The following SGCG variants were observed in gnomAD, a reference collection of about 807,000 sequenced individuals.
SGCG encodes sarcoglycan gamma.
SGCG carries 26 observed loss-of-function variants against 29.3 expected under a neutral mutation model. The observed-to-expected ratio is 0.89, with a 90% CI of 0.65 to 1.23. SGCG has a LOEUF of 1.23. Among genes scored for constraint, SGCG ranks in the 50% most tolerant of loss-of-function variants. SGCG has a pLI of 0.00. For missense variants in SGCG, 353 were observed against 356.0 expected, an observed-to-expected ratio of 0.99 and a Z score of 0.07; for synonymous variants, 145 against 129.7, an observed-to-expected ratio of 1.12 and a Z score of -0.80.
chr13:23,309,686 T>G (rs533908372), intron 6 of SGCG, among the ~76,000 whole-genome samples: 15 of 152,206 alleles, frequency 9.9e-5, no homozygotes, highest in Non-Finnish European at 2.1e-4. Context: ...AAAGTTCCAT[T>G]TTGGTCTAAG....
At chr13:23,288,194 G>C (rs918847158) in intron 5 of SGCG, among the ~76,000 whole-genome samples, 2 of 152,192 alleles carry the variant, frequency 1.3e-5, no homozygotes, top group Non-Finnish European at 2.9e-5. Flanking sequence ...GTCAGCAAAC[G>C]CAACAGTAGT....
intron 3 of SGCG, among the ~76,000 whole-genome samples, chr13:23,238,758 A>C (rs1158178394): frequency 6.6e-6 from 1 of 152,256 alleles, no homozygotes; most frequent in Non-Finnish European, 1.5e-5. Context: ...GAAAGACAGA[A>C]AAAACACAAA....
At chr13:23,184,388 GA>G (rs1876884407) in intron 1 of SGCG, among the ~76,000 whole-genome samples, 3 of 150,396 alleles carry the variant, frequency 2.0e-5, no homozygotes, top group Non-Finnish European at 3.0e-5. Context: ...TTTTTTTCTA[GA>G]GGGGGCAGTG....
At chr13:23,259,052 G>C (rs531266981) in intron 4 of SGCG, among the ~76,000 whole-genome samples, 1 of 152,238 alleles carries the variant, frequency 6.6e-6, no homozygotes, top group South Asian at 2.1e-4. Flanking sequence ...GATGATGTTG[G>C]CCTCATAAAA....
At chr13:23,282,313 G>A (rs1442791038) in intron 5 of SGCG, among the ~76,000 whole-genome samples, 2 of 152,078 alleles carry the variant, frequency 1.3e-5, no homozygotes, top group East Asian at 3.9e-4. Flanking sequence ...AGGCTTTGTC[G>A]ATCTTAACAC....
intron 2 of SGCG, among the ~76,000 whole-genome samples, chr13:23,218,069 G>A (rs752477760): frequency 7.2e-5 from 11 of 152,096 alleles, no homozygotes; most frequent in Non-Finnish European, 1.5e-4. Flanking sequence ...CAACAACAGA[G>A]TTAAATAAGG....
At chr13:23,252,477 G>A (rs113633669) in intron 4 of SGCG, among the ~76,000 whole-genome samples, 1 of 152,028 alleles carries the variant, frequency 6.6e-6, no homozygotes, top group Non-Finnish European at 1.5e-5. Context: ...GGATCATGAG[G>A]TCAGGAGATC....
chr13:23,305,651 G>A (rs888489925), intron 6 of SGCG, among the ~76,000 whole-genome samples: 2 of 152,176 alleles, frequency 1.3e-5, no homozygotes, highest in African/African-American at 4.8e-5. Flanking sequence ...AAAATGATGT[G>A]AATGTGTGTT....
chr13:23,324,411 A>AG lies in SGCG; in HGVS notation c.750dup (p.Thr251AspfsTer68). On this transcript the variant is annotated frameshift_variant, in exon 8 of 8. Coordinates refer to ENST00000218867, the MANE Select transcript of SGCG (RefSeq NM_000231.3). LOFTEE classifies it high-confidence loss of function. ...ACTGTGTGCTTACCCAAGCTGGTGC[A>AG]GGGGACGTGGGGTCCCTCTGGCAGC... 1 of 1,614,198 alleles carries AG rather than the reference A, an allele frequency of 6.2e-7. No homozygotes were observed. Among genetic ancestry groups the AG allele is most frequent in the Middle Eastern group, 1.7e-4 (1 of 6,058 alleles).
intron 3 of SGCG, among the ~76,000 whole-genome samples, chr13:23,235,821 C>G (rs899196499): frequency 3.9e-5 from 6 of 152,118 alleles, no homozygotes; most frequent in African/African-American, 1.4e-4. Flanking sequence ...AGAGGCTGTA[C>G]CAGCCACTAT....
chr13:23,215,756 C>T (rs1017339586), intron 2 of SGCG, among the ~76,000 whole-genome samples: 1 of 151,302 alleles, frequency 6.6e-6, no homozygotes, highest in Non-Finnish European at 1.5e-5. Context: ...ATAGGGATCC[C>T]AGCATGGATG....
intron 4 of SGCG, among the ~76,000 whole-genome samples, chr13:23,252,904 A>G (rs1037847459): frequency 3.3e-5 from 5 of 152,108 alleles, no homozygotes; most frequent in African/African-American, 1.2e-4. Flanking sequence ...AGAAGTCAAA[A>G]CAGGAAAGAC....
intron 6 of SGCG, 97 bp downstream of exon 6, chr13:23,295,584 C>G (rs540174402): frequency 2.3e-6 from 2 of 857,016 alleles, no homozygotes; most frequent in African/African-American, 3.3e-5. Flanking sequence ...CTGACTGTTT[C>G]TTATTTCATC....
At chr13:23,288,202 A>G (rs931436310) in intron 5 of SGCG, among the ~76,000 whole-genome samples, 5 of 152,216 alleles carry the variant, frequency 3.3e-5, no homozygotes, top group African/African-American at 1.2e-4. Context: ...ACGCAACAGT[A>G]GTTGACAGCC....
At chr13:23,188,280 T>G (rs1282193945) in intron 1 of SGCG, among the ~76,000 whole-genome samples, 6 of 148,500 alleles carry the variant, frequency 4.0e-5, no homozygotes, top group African/African-American at 1.5e-4. Context: ...AGGATTTCTC[T>G]CTCACCGTCT....
At chr13:23,313,011 A>G (rs1367857428) in intron 6 of SGCG, among the ~76,000 whole-genome samples, 1 of 152,148 alleles carries the variant, frequency 6.6e-6, no homozygotes, top group Non-Finnish European at 1.5e-5. Flanking sequence ...TAATCCTCTG[A>G]ACTGTTTCCT....
intron 4 of SGCG, among the ~76,000 whole-genome samples, chr13:23,269,794 T>A (rs1880788226): frequency 6.6e-6 from 1 of 152,092 alleles, no homozygotes; most frequent in Non-Finnish European, 1.5e-5. Flanking sequence ...GTTCTCACTG[T>A]TGTGCAGTTA....
rs1289491367 is a variant in SGCG at position 23,275,185 on chromosome 13, A to G, written c.386-4174A>G. On this transcript the variant is annotated intron_variant, in intron 4 of 7. Transcript: ENST00000218867. ...TTAACCTTTACAATGATTGATTATT[A>G]CAGTCAGGGTTTCCAGATGGCAGAA... Among the ~76,000 whole-genome samples, 5 of 148,632 alleles carry G rather than the reference A, an allele frequency of 3.4e-5. No individual in the cohort carries two copies. In the South Asian group the frequency reaches 1.1e-3, roughly 32 times the overall value.
intron 2 of SGCG, among the ~76,000 whole-genome samples, chr13:23,225,560 G>A (rs1409499183): frequency 6.6e-6 from 1 of 152,080 alleles, no homozygotes; most frequent in African/African-American, 2.4e-5. Flanking sequence ...GAGCCCTTCT[G>A]AGCAGGCTTT....
Sources: gnomAD v4.1 joint callset for allele counts (sites outside exome capture counted in the v4.1 genomes callset) on GRCh38, gnomAD v4.1.1 for gene constraint, MANE v1.5 for transcripts, NCBI Gene and HGNC (gene_info 2026-07-23, HGNC 2026-07-21) for gene names.